Variants in SIPA1L1 observed in about 807,000 individuals in gnomAD.
SIPA1L1 encodes signal induced proliferation associated 1 like 1.
A neutral mutation model predicts 162.7 loss-of-function variants in SIPA1L1; 26 were observed. The observed-to-expected ratio is 0.16, with a 90% CI of 0.12 to 0.22. SIPA1L1 has a LOEUF of 0.22. SIPA1L1 is among the 10% of genes least tolerant of loss of function. SIPA1L1 has a pLI of 1.00. For missense variants in SIPA1L1, 1,874 were observed against 2,241.0 expected (o/e 0.84, Z 3.31); for synonymous variants, 829 against 837.4 (o/e 0.99, Z 0.17).
At chr14:71,530,532 T>G (rs2053336510) in intron 4 of SIPA1L1, among the ~76,000 whole-genome samples, 1 of 152,082 alleles carries the variant, frequency 6.6e-6, no homozygotes, top group South Asian at 2.1e-4. Context: ...TCTTGAAAAA[T>G]TAGTAGGAAT....
chr14:71,624,327 G>T (rs2039748100), intron 7 of SIPA1L1, 91 bp downstream of exon 7: 15 of 1,096,320 alleles, frequency 1.4e-5, no homozygotes, highest in Non-Finnish European at 1.7e-5. Context: ...TTTTGATGGA[G>T]ATAATTGATA....
intron 2 of SIPA1L1, among the ~76,000 whole-genome samples, chr14:71,339,685 C>G (rs1311022766): frequency 6.6e-6 from 1 of 152,202 alleles, no homozygotes; most frequent in Non-Finnish European, 1.5e-5. Flanking sequence ...TTTCATACAA[C>G]TTAATGTCTT....
chr14:71,400,616 A>C (rs1423221269), intron 2 of SIPA1L1, among the ~76,000 whole-genome samples: 2 of 151,560 alleles, frequency 1.3e-5, no homozygotes, highest in Non-Finnish European at 2.9e-5. Flanking sequence ...TGTTGTGTTA[A>C]CCTGTATAAT....
chr14:71,459,023 G>T (rs1308117470), intron 2 of SIPA1L1, among the ~76,000 whole-genome samples: 2 of 151,018 alleles, frequency 1.3e-5, no homozygotes, highest in African/African-American at 4.9e-5. Flanking sequence ...AGTGAGCCAA[G>T]ATCATGTCAC....
At position 71,588,164 on chromosome 14, in the gene SIPA1L1, C is replaced by G. The variant is rs2034839627; in HGVS notation, c.292C>G (p.Gln98Glu). The part of the protein sequence containing the change: ...ENIKESSRSS[Q>E]EIETSSCLDS... ...CATAAAAGAATCTAGCCGTTCAAGCCAGGAAATAGAAACCTCAAGTTGCCT... is the reference window on the plus strand; with the variant it reads ...CATAAAAGAATCTAGCCGTTCAAGCGAGGAAATAGAAACCTCAAGTTGCCT... The change falls in exon 5 of 24, where the codon CAG becomes GAG. Residue 98 changes from glutamine (Q) to glutamate (E), a missense_variant. This residue lies in a region of SIPA1L1 where 685 missense variants were observed against 828.0 expected (regional missense o/e 0.83). Coordinates refer to ENST00000381232, the MANE Select transcript of SIPA1L1 (RefSeq NM_001386936.1). This position sits in a 1 kb window ranked among gnomAD's most constrained non-coding sequence, Gnocchi z 4.3. The G allele has an allele frequency of 6.2e-7, 1 of 1,614,046 alleles. No homozygotes were observed. Among genetic ancestry groups the G allele is most frequent in the Non-Finnish European group, 8.5e-7 (1 of 1,180,012 alleles).
At chr14:71,381,538 TTG>T (rs1010424408) in intron 2 of SIPA1L1, among the ~76,000 whole-genome samples, 10 of 152,336 alleles carry the variant, frequency 6.6e-5, no homozygotes, top group African/African-American at 2.4e-4. Flanking sequence ...AACTGAATGT[TTG>T]TATTTGTTGA....
intron 2 of SIPA1L1, among the ~76,000 whole-genome samples, chr14:71,500,141 G>A (rs1371485550): frequency 6.6e-6 from 1 of 152,060 alleles, no homozygotes; most frequent in African/African-American, 2.4e-5. Flanking sequence ...TTGATAAGTT[G>A]AACATTAAAA....
chr14:71,547,287 A>G, intron 4 of SIPA1L1, among the ~76,000 whole-genome samples: 1 of 151,108 alleles, frequency 6.6e-6, no homozygotes, highest in Non-Finnish European at 1.5e-5. Context: ...TTAATATGAA[A>G]ATAACTTTTT....
chr14:71,668,387 TCTC>T (rs1566605767), intron 10 of SIPA1L1, among the ~76,000 whole-genome samples: 1 of 152,198 alleles, frequency 6.6e-6, no homozygotes, highest in Non-Finnish European at 1.5e-5. Context: ...TCCTTTTACT[TCTC>T]TGTATCTGTT....
At chr14:71,391,873 T>TGTA (rs925001447) in intron 2 of SIPA1L1, among the ~76,000 whole-genome samples, 7 of 152,156 alleles carry the variant, frequency 4.6e-5, no homozygotes, top group Non-Finnish European at 1.0e-4. Context: ...TTGTCCAGTG[T>TGTA]GTAGTAGTAG....
At chr14:71,500,162 CTCT>C (rs1363713661) in intron 2 of SIPA1L1, among the ~76,000 whole-genome samples, 1 of 152,000 alleles carries the variant, frequency 6.6e-6, no homozygotes, top group African/African-American at 2.4e-5. Flanking sequence ...TTAAGAATTT[CTCT>C]TCAACAAAAT....
chr14:71,560,439 A>G (rs966208157), intron 4 of SIPA1L1, among the ~76,000 whole-genome samples: 1 of 152,046 alleles, frequency 6.6e-6, no homozygotes, highest in Non-Finnish European at 1.5e-5. Flanking sequence ...GGTACCATGT[A>G]CTCCAGGAGG....
chr14:71,325,819 G>T (rs1244122285), intron 2 of SIPA1L1, among the ~76,000 whole-genome samples: 1 of 152,180 alleles, frequency 6.6e-6, no homozygotes, highest in Non-Finnish European at 1.5e-5. Flanking sequence ...GTTGCACTAA[G>T]TTCTCCCTCT....
chr14:71,514,810 A>G (rs758021744), intron 3 of SIPA1L1, among the ~76,000 whole-genome samples: 55 of 152,258 alleles, frequency 3.6e-4, no homozygotes, highest in Non-Finnish European at 6.8e-4. Flanking sequence ...ACGTTAACAT[A>G]TAAAACTAAC....
intron 2 of SIPA1L1, among the ~76,000 whole-genome samples, chr14:71,340,572 C>T (rs1190187188): frequency 6.6e-6 from 1 of 152,104 alleles, no homozygotes; most frequent in Non-Finnish European, 1.5e-5. Context: ...CCGATGCTCC[C>T]CTAGTTTTCC....
At chr14:71,560,459 G>GAGT in intron 4 of SIPA1L1, among the ~76,000 whole-genome samples, 3 of 152,156 alleles carry the variant, frequency 2.0e-5, no homozygotes. Context: ...GAAGAAGGGG[G>GAGT]AGTAAGAAGG....
At chr14:71,589,473 A>G in intron 5 of SIPA1L1, 103 bp downstream of exon 5, 1 of 674,836 alleles carries the variant, frequency 1.5e-6, no homozygotes, top group Non-Finnish European at 2.4e-6. Flanking sequence ...TAAGATTTGC[A>G]TGTCTTATCT....
chr14:71,681,793 G>A (rs1355159948), intron 12 of SIPA1L1, among the ~76,000 whole-genome samples: 1 of 151,790 alleles, frequency 6.6e-6, no homozygotes, highest in African/African-American at 2.4e-5. Context: ...TATTCCACAG[G>A]GTCTTAAGGA....
chr14:71,694,156 A>G (rs773619807), intron 13 of SIPA1L1, among the ~76,000 whole-genome samples: 3 of 152,164 alleles, frequency 2.0e-5, no homozygotes, highest in Non-Finnish European at 4.4e-5. Context: ...TTGGCACTAT[A>G]TATGTCGTCC....
Sources: gnomAD v4.1 joint callset for allele counts (sites outside exome capture counted in the v4.1 genomes callset) on GRCh38, gnomAD v4.1.1 for gene constraint, gnomAD v4.1.1 regional missense constraint, Gnocchi (gnomAD v3.1) non-coding constraint, MANE v1.5 for transcripts, NCBI Gene and HGNC (gene_info 2026-07-23, HGNC 2026-07-21) for gene names.